The following AREL1 variants were observed in gnomAD, a reference collection of about 807,000 sequenced individuals.
The protein encoded by AREL1 is apoptosis-resistant E3 ubiquitin protein ligase 1.
A neutral mutation model predicts 99.0 loss-of-function variants in AREL1; 62 were observed. That is an observed-to-expected ratio of 0.63 (90% CI 0.51 to 0.77). AREL1 has a LOEUF of 0.77. AREL1 is among the 30% of genes least tolerant of loss of function. The probability of loss-of-function intolerance (pLI) is 0.00; values close to 1 mark genes in which losing one functional copy is unlikely to be tolerated. For missense variants in AREL1, 879 were observed against 1,027.6 expected, an observed-to-expected ratio of 0.86 and a Z score of 1.98; for synonymous variants, 380 against 376.5, an observed-to-expected ratio of 1.01 and a Z score of -0.11.
Position 74,673,100 on chromosome 14 carries a change from A to C in AREL1, c.1277T>G (p.Ile426Ser), listed in dbSNP as rs1178879899. 6.2e-7 allele frequency: 1 copy of C among 1,614,180 alleles called. No homozygotes were observed. Among genetic ancestry groups the C allele is most frequent in the South Asian group, 1.1e-5 (1 of 91,084 alleles). ...ACCTATGTTCTTATGCAGGGAGCGGATAAAAGTGGCTGCTAGAATGTTCCT... is the reference window on the plus strand; with the variant it reads ...ACCTATGTTCTTATGCAGGGAGCGGCTAAAAGTGGCTGCTAGAATGTTCCT... ...KERNILAATF[I>S]RSLHKNIGGS... Residue 426 changes from isoleucine (I) to serine (S), a missense_variant, in exon 10 of 20, where the codon ATC (isoleucine) becomes AGC (serine). Ile to Ser is a moderately radical substitution (Grantham distance 142, BLOSUM62 -2). Transcript: ENST00000356357.
intron 1 of AREL1, among the ~76,000 whole-genome samples, chr14:74,700,623 A>G (rs1208738492): frequency 6.6e-6 from 1 of 151,892 alleles, no homozygotes; most frequent in Non-Finnish European, 1.5e-5. Flanking sequence ...CTAAATATAC[A>G]AAAAAAATTA....
At chr14:74,681,669 G>A (rs1594765892) in intron 5 of AREL1, among the ~76,000 whole-genome samples, 1 of 151,666 alleles carries the variant, frequency 6.6e-6, no homozygotes, top group South Asian at 2.1e-4. Context: ...GCTACTCAGC[G>A]TGAGGCAGGA....
At chr14:74,666,335 A>G (rs905945834) in intron 17 of AREL1, among the ~76,000 whole-genome samples, 1 of 152,264 alleles carries the variant, frequency 6.6e-6, no homozygotes, top group African/African-American at 2.4e-5. Flanking sequence ...TGTGAGCAAC[A>G]GGCCACAACA....
At chr14:74,665,996 T>C (rs1355814255) in intron 17 of AREL1, among the ~76,000 whole-genome samples, 1 of 152,210 alleles carries the variant, frequency 6.6e-6, no homozygotes, top group Non-Finnish European at 1.5e-5. Flanking sequence ...AATTTACCAG[T>C]AGTTATTCCT....
At chr14:74,712,812 C>T in intron 1 of AREL1, 121 bp downstream of exon 1, 1 of 389,728 alleles carries the variant, frequency 2.6e-6, no homozygotes, top group Non-Finnish European at 4.9e-6. Flanking sequence ...AGAATGTGTT[C>T]CCCCAAACTA....
In AREL1 at chr14:74,671,479, A is replaced by G; in HGVS notation, c.1427T>C (p.Leu476Pro). ...GATGGAGAAATTCCGAGTGGCTTTC[A>G]GAGACTGAAAAGAAGTGAAAGGAAG... ...VSRHALLESS[L>P]KATRNFSISD... Residue 476 changes from leucine to proline, a missense_variant, in exon 12 of 20, where the codon CTG (leucine) becomes CCG (proline). Coordinates refer to ENST00000356357, the MANE Select transcript of AREL1 (RefSeq NM_001039479.2). 6.3e-7 allele frequency: 1 copy of G among 1,595,156 alleles called. No individual in the cohort carries two copies. Among genetic ancestry groups the G allele is most frequent in the Non-Finnish European group, 8.5e-7 (1 of 1,172,162 alleles).
chr14:74,707,735 A>G (rs1594772900), intron 1 of AREL1, among the ~76,000 whole-genome samples: 1 of 148,234 alleles, frequency 6.7e-6, no homozygotes, highest in East Asian at 2.0e-4. Flanking sequence ...CGGAGCTTGC[A>G]GTGAGCCGAG....
chr14:74,696,922 C>T (rs938325771), intron 1 of AREL1, among the ~76,000 whole-genome samples: 1 of 152,060 alleles, frequency 6.6e-6, no homozygotes, highest in Non-Finnish European at 1.5e-5. Flanking sequence ...CAAGATTGCG[C>T]CACTGCACTC....
intron 2 of AREL1, among the ~76,000 whole-genome samples, chr14:74,690,299 CA>C (rs2089849491): frequency 6.9e-6 from 1 of 145,216 alleles, no homozygotes; most frequent in Admixed American, 6.8e-5. Context: ...CCAAAGAAAC[CA>C]ACATAATTGC....
At chr14:74,700,166 CT>C (rs1276305170) in intron 1 of AREL1, among the ~76,000 whole-genome samples, 1 of 152,218 alleles carries the variant, frequency 6.6e-6, no homozygotes, top group Non-Finnish European at 1.5e-5. Context: ...AAGAATCAAC[CT>C]TTATTGAGAA....
At chr14:74,702,672 G>C (rs563803651) in intron 1 of AREL1, among the ~76,000 whole-genome samples, 1 of 152,288 alleles carries the variant, frequency 6.6e-6, no homozygotes, top group East Asian at 1.9e-4. Context: ...TAGCCAGTTT[G>C]AATTTCTCCT....
chr14:74,682,039 T>A (rs1362998998), intron 5 of AREL1, among the ~76,000 whole-genome samples: 3 of 152,194 alleles, frequency 2.0e-5, no homozygotes, highest in South Asian at 4.1e-4. Context: ...TTAATTTTTT[T>A]AAAAAGGCTG....
rs893940160 is a variant in AREL1, at chr14:74,662,316, C to T, written c.*1404G>A. 2 of 345,396 alleles carry T rather than the reference C, an allele frequency of 5.8e-6. No individual in the cohort carries two copies. The highest frequency in any genetic ancestry group is 4.2e-5 in the African/African-American group (2 of 47,510). The allele number at this position is 345,396 out of a possible 1,614,324, so 21.4% of individuals were successfully genotyped here. Reference sequence around the variant, plus strand: ...GCCAAAGTCCTGCCTTGTTTCAGGACTCTGTGTACTTGCTGGTTTTGGCAA... The same window carrying T: ...GCCAAAGTCCTGCCTTGTTTCAGGATTCTGTGTACTTGCTGGTTTTGGCAA... On this transcript the variant is annotated 3_prime_UTR_variant, in exon 20 of 20. Coordinates refer to ENST00000356357, the MANE Select transcript of AREL1 (RefSeq NM_001039479.2).
chr14:74,671,938 G>T (rs2089356241), intron 11 of AREL1: 2 of 449,310 alleles, frequency 4.5e-6, no homozygotes, highest in African/African-American at 2.0e-5. Context: ...GGAGAATATG[G>T]CTGAGAAAAC....
intron 5 of AREL1, among the ~76,000 whole-genome samples, chr14:74,681,538 G>C (rs1215762277): frequency 6.6e-6 from 1 of 152,154 alleles, no homozygotes; most frequent in Admixed American, 6.5e-5. Flanking sequence ...ACTTTGGGAG[G>C]CTGAGGCGAG....
chr14:74,672,696 C>G (rs969671950), intron 11 of AREL1, 135 bp downstream of exon 11: 12 of 1,270,350 alleles, frequency 9.4e-6, no homozygotes, highest in Middle Eastern at 4.3e-4. Flanking sequence ...GATCGCACCT[C>G]TGCACCCCAG....
chr14:74,698,414 G>A (rs74694089), intron 1 of AREL1, among the ~76,000 whole-genome samples: 1 of 152,120 alleles, frequency 6.6e-6, no homozygotes, highest in African/African-American at 2.4e-5. Context: ...CATGAAATGG[G>A]GTTACAGTCT....
chr14:74,712,038 C>CAAAAG (rs2090305156), intron 1 of AREL1: 1 of 28,708 alleles, frequency 3.5e-5, no homozygotes, highest in African/African-American at 1.4e-4. Context: ...AGACAAAGTG[C>CAAAAG]AAAAAAAAAA....
intron 1 of AREL1, among the ~76,000 whole-genome samples, chr14:74,702,918 C>T (rs2090112019): frequency 6.6e-6 from 1 of 152,182 alleles, no homozygotes; most frequent in South Asian, 2.1e-4. Flanking sequence ...GAGACCACCT[C>T]AGCCTGGATT....
Sources: allele counts gnomAD v4.1 joint callset (sites outside exome capture counted in the v4.1 genomes callset), GRCh38; gene constraint gnomAD v4.1.1; transcripts MANE v1.5; gene names NCBI Gene and HGNC (gene_info 2026-07-23, HGNC 2026-07-21).